The following DLG2 variants were observed in gnomAD, a reference collection of about 807,000 sequenced individuals.
DLG2 encodes disks large homolog 2.
In DLG2, 45 loss-of-function variants were observed where a neutral mutation model predicts 132.5. The observed-to-expected ratio is 0.34, with a 90% CI of 0.27 to 0.44. The LOEUF (loss-of-function observed/expected upper bound fraction) is 0.44. Among genes scored for constraint, DLG2 ranks in the 20% least tolerant of loss-of-function variants. The probability of loss-of-function intolerance (pLI) is 1.00; values close to 1 mark genes in which losing one functional copy is unlikely to be tolerated. For missense variants in DLG2, 1,045 were observed against 1,196.9 expected (o/e 0.87, Z 1.87); for synonymous variants, 424 against 419.6 (o/e 1.01, Z -0.13).
intron 6 of DLG2, among the ~76,000 whole-genome samples, chr11:84,904,112 C>A (rs1391188934): frequency 1.3e-5 from 2 of 152,110 alleles, no homozygotes; most frequent in Admixed American, 1.3e-4. Flanking sequence ...AACAATAATT[C>A]TTTAAAATTG....
In DLG2 at chr11:84,945,758, T is replaced by C. The variant is rs577785202; in HGVS notation, c.357+165903A>G. On this transcript the variant is annotated intron_variant, in intron 6 of 27. Transcript: ENST00000376104. ...AACACAAGTGCTTCTTGGCCACCCT[T>C]GCTGGTGTATCACTAGGTAATGTGC... Among the ~76,000 whole-genome samples the C allele has an allele frequency of 6.6e-5, 10 of 152,168 alleles. No homozygotes were observed. The South Asian group carries it at 2.1e-3, about 32-fold the overall frequency.
rs61473493 is a variant in DLG2, at chr11:85,105,994, G to GA, written c.357+5666dup. Among the ~76,000 whole-genome samples, 184 of 145,418 alleles carry GA rather than the reference G, an allele frequency of 1.3e-3. 2 individuals carry two copies. The highest frequency in any genetic ancestry group is 3.5e-3 in the Middle Eastern group (1 of 284). On this transcript the variant is annotated intron_variant, in intron 6 of 27. Coordinates refer to ENST00000376104, the MANE Select transcript of DLG2 (RefSeq NM_001142699.3). ...GGGTTGGGAGGAACTACCAAAAAAAGAAAAAAAAAAAAACCTTTAGGACTA... is the reference window on the plus strand; with the variant it reads ...GGGTTGGGAGGAACTACCAAAAAAAGAAAAAAAAAAAAAACCTTTAGGACTA...
At chr11:85,360,888 G>A (rs555320215) in intron 3 of DLG2, among the ~76,000 whole-genome samples, 88 of 152,106 alleles carry the variant, frequency 5.8e-4, no homozygotes, top group Non-Finnish European at 1.1e-3. Context: ...ACTTAGCCAA[G>A]GTCACCAACT....
intron 10 of DLG2, among the ~76,000 whole-genome samples, chr11:84,096,031 T>C (rs1029001783): frequency 2.6e-5 from 4 of 152,222 alleles, no homozygotes; most frequent in Admixed American, 1.3e-4. Flanking sequence ...CTTAACATTG[T>C]GAAAGCTTTA....
At chr11:83,852,862 T>C (rs4943880) in intron 16 of DLG2, among the ~76,000 whole-genome samples, 26,910 of 152,154 alleles carry the variant, frequency 0.18, 2,640 homozygotes, top group East Asian at 0.32. Context: ...GCTTTCTCAA[T>C]TGAGAAATTT....
chr11:84,157,264 A>G (rs2095446731), intron 9 of DLG2, among the ~76,000 whole-genome samples: 1 of 152,160 alleles, frequency 6.6e-6, no homozygotes, highest in African/African-American at 2.4e-5. Flanking sequence ...ATGCAAATGT[A>G]AATATTAAAT....
chr11:84,852,473 G>T (rs1418413944), intron 6 of DLG2, among the ~76,000 whole-genome samples: 3 of 151,732 alleles, frequency 2.0e-5, no homozygotes, highest in Non-Finnish European at 4.4e-5. Context: ...AGGAAAACCT[G>T]CAATATTAGG....
At chr11:83,516,680 G>A (rs2095306830) in intron 21 of DLG2, among the ~76,000 whole-genome samples, 1 of 152,278 alleles carries the variant, frequency 6.6e-6, no homozygotes, top group South Asian at 2.1e-4. Flanking sequence ...TCATTTCCAT[G>A]TTTAGTGCTT....
intron 10 of DLG2, among the ~76,000 whole-genome samples, chr11:84,061,866 A>G (rs1244674418): frequency 8.1e-6 from 1 of 123,622 alleles, no homozygotes; most frequent in Non-Finnish European, 1.8e-5. Flanking sequence ...AAAAAAAAAA[A>G]AAAGGGAAAC....
At chr11:85,426,567 C>T (rs985407806) in intron 3 of DLG2, among the ~76,000 whole-genome samples, 1 of 150,456 alleles carries the variant, frequency 6.6e-6, no homozygotes, top group Admixed American at 6.6e-5. Context: ...GCTGAGGGTC[C>T]TGATTGTTAG....
chr11:85,100,102 A>G (rs1180668601), intron 6 of DLG2, among the ~76,000 whole-genome samples: 3 of 152,206 alleles, frequency 2.0e-5, no homozygotes, highest in Non-Finnish European at 4.4e-5. Flanking sequence ...GCTCTTATTA[A>G]GTAAATTAAC....
In DLG2 at chr11:84,890,227, T is replaced by C. The variant is rs144425670; in HGVS notation, c.357+221434A>G. Among the ~76,000 whole-genome samples, 57 of 152,284 alleles carry C rather than the reference T, an allele frequency of 3.7e-4. No individual in the cohort carries two copies. The East Asian group carries it at 7.2e-3, about 19-fold the overall frequency. On this transcript the variant is annotated intron_variant, in intron 6 of 27. Transcript: ENST00000376104. Reference sequence around the variant, plus strand: ...CTTATTTTTTAGTACTTTTTGGATATTGGAAATGTGGCTAAGAGACTGTGG... The same window carrying C: ...CTTATTTTTTAGTACTTTTTGGATACTGGAAATGTGGCTAAGAGACTGTGG...
At chr11:84,866,381 C>A (rs2084570256) in intron 6 of DLG2, among the ~76,000 whole-genome samples, 2 of 152,152 alleles carry the variant, frequency 1.3e-5, no homozygotes, top group South Asian at 4.1e-4. Context: ...GTCTTCCTTG[C>A]AAAAAGCTTG....
intron 7 of DLG2, among the ~76,000 whole-genome samples, chr11:84,332,993 G>A (rs533685991): frequency 2.6e-5 from 4 of 152,292 alleles, no homozygotes; most frequent in South Asian, 4.1e-4. Context: ...CAGTTGAGTG[G>A]ATGAGTAGGA....
chr11:85,337,953 G>A (rs1028100436), intron 3 of DLG2, among the ~76,000 whole-genome samples: 4 of 152,144 alleles, frequency 2.6e-5, no homozygotes, highest in African/African-American at 9.6e-5. Context: ...ACTGAAGATT[G>A]TACATAGCTG....
intron 17 of DLG2, among the ~76,000 whole-genome samples, chr11:83,793,746 T>G (rs1288443305): frequency 6.6e-6 from 1 of 152,206 alleles, no homozygotes; most frequent in Non-Finnish European, 1.5e-5. Context: ...TCAGGGCTGT[T>G]GCAGGTATAA....
intron 6 of DLG2, chr11:84,720,529 AGCCCCGG>A: frequency 1.0e-6 from 1 of 979,226 alleles, no homozygotes; most frequent in Non-Finnish European, 1.2e-6. Flanking sequence ...GCCATCCCGG[AGCCCCGG>A]TGGAAGCAAC....
chr11:84,903,115 G>A (rs1011809920), intron 6 of DLG2, among the ~76,000 whole-genome samples: 1 of 151,918 alleles, frequency 6.6e-6, no homozygotes, highest in Non-Finnish European at 1.5e-5. Context: ...GCACAAATCT[G>A]GTCAGAACAC....
intron 3 of DLG2, among the ~76,000 whole-genome samples, chr11:85,529,079 G>A (rs2153189526): frequency 6.6e-6 from 1 of 152,326 alleles, no homozygotes; most frequent in Non-Finnish European, 1.5e-5. Flanking sequence ...GAATCTACGT[G>A]TATTTTAGAA....
Sources: allele counts gnomAD v4.1 joint callset (sites outside exome capture counted in the v4.1 genomes callset), GRCh38; gene constraint gnomAD v4.1.1; transcripts MANE v1.5; gene names NCBI Gene and HGNC (gene_info 2026-07-23, HGNC 2026-07-21).